Variants in TBC1D32 observed in about 807,000 individuals in gnomAD.
TBC1D32 encodes the protein protein broad-minded.
In TBC1D32, 151 loss-of-function variants were observed where a neutral mutation model predicts 170.3. That is an observed-to-expected ratio of 0.89 (90% CI 0.78 to 1.01). The LOEUF (loss-of-function observed/expected upper bound fraction) is 1.01. Ranked by LOEUF, TBC1D32 falls within the 50% of genes least tolerant of loss-of-function variation. TBC1D32 has a pLI of 0.00. For synonymous variants in TBC1D32, 498 were observed against 488.0 expected, an observed-to-expected ratio of 1.02 and a Z score of -0.27; for missense variants, 1,464 against 1,457.1, an observed-to-expected ratio of 1.00 and a Z score of -0.08.
chr6:121,260,843 G>A (rs1234025641), intron 15 of TBC1D32, among the ~76,000 whole-genome samples: 5 of 152,192 alleles, frequency 3.3e-5, no homozygotes, highest in Non-Finnish European at 5.9e-5. Flanking sequence ...GAGAGGCAGA[G>A]CCAACACTGC....
chr6:121,157,000 A>G (rs1485425226), intron 24 of TBC1D32, among the ~76,000 whole-genome samples: 1 of 152,078 alleles, frequency 6.6e-6, no homozygotes, highest in Non-Finnish European at 1.5e-5. Context: ...TAGGTGGAGT[A>G]TTCTTTGGAT....
At chr6:121,227,394 T>C (rs72961367) in intron 20 of TBC1D32, among the ~76,000 whole-genome samples, 2,439 of 152,252 alleles carry the variant, frequency 0.016, 37 homozygotes, top group Middle Eastern at 0.037. Context: ...TAATATAATG[T>C]AAATAAAAGT....
chr6:121,125,139 T>C (rs1008375468), intron 26 of TBC1D32, among the ~76,000 whole-genome samples: 1 of 152,220 alleles, frequency 6.6e-6, no homozygotes, highest in Non-Finnish European at 1.5e-5. Context: ...TTTTACTCTT[T>C]GCAGTCTAGC....
At chr6:121,334,722 T>G (rs1312746094), upstream of TBC1D32, 1 of 372,162 alleles carries the variant, frequency 2.7e-6, no homozygotes, top group Non-Finnish European at 5.0e-6. Context: ...AAAAGAGACA[T>G]CAGGAATGAT....
rs1406617660 is a variant in TBC1D32 at position 121,219,440 on chromosome 6, C to T, written c.2481+3796G>A. ...GTAAGTGGAAAGATATATTTGAATA[C>T]GCCCCACAGAGATACATGAAAACTT... On this transcript the variant is annotated intron_variant, in intron 21 of 31. Coordinates refer to ENST00000398212, the MANE Select transcript of TBC1D32 (RefSeq NM_152730.6). 3.3e-5 allele frequency among the ~76,000 whole-genome samples: 5 copies of T among 152,166 alleles called. No homozygotes were observed. In the South Asian group the frequency reaches 6.2e-4, roughly 19 times the overall value.
intron 27 of TBC1D32, 123 bp from the exon 28 acceptor site, chr6:121,113,300 T>G (rs570708377): frequency 1.8e-6 from 1 of 555,004 alleles, no homozygotes; most frequent in South Asian, 3.2e-5. Context: ...TCAATACATG[T>G]TTCTGATGAT....
intron 21 of TBC1D32, among the ~76,000 whole-genome samples, chr6:121,219,577 A>T (rs1198307263): frequency 6.6e-6 from 1 of 152,220 alleles, no homozygotes; most frequent in Admixed American, 6.5e-5. Flanking sequence ...TTTTCACTGG[A>T]TCCGTATAAT....
intron 5 of TBC1D32, among the ~76,000 whole-genome samples, chr6:121,307,675 C>T (rs576060181): frequency 6.6e-6 from 1 of 152,178 alleles, no homozygotes; most frequent in East Asian, 1.9e-4. Context: ...GCCCGGCCAA[C>T]ATGGTCAAAC....
intron 30 of TBC1D32, among the ~76,000 whole-genome samples, chr6:121,092,246 C>T (rs1031895478): frequency 2.8e-5 from 4 of 144,574 alleles, no homozygotes; most frequent in East Asian, 2.1e-4. Context: ...ACTTTACCTT[C>T]GACAAAAGAT....
At chr6:121,103,944 T>G (rs1450040351) in intron 30 of TBC1D32, among the ~76,000 whole-genome samples, 1 of 151,774 alleles carries the variant, frequency 6.6e-6, no homozygotes, top group Non-Finnish European at 1.5e-5. Context: ...ATTTTGTGAT[T>G]TAAAGTTCTA....
intron 12 of TBC1D32, 58 bp from the exon 13 acceptor site, chr6:121,283,968 A>G: frequency 1.6e-6 from 2 of 1,262,630 alleles, no homozygotes; most frequent in Non-Finnish European, 2.3e-6. Flanking sequence ...AACTTAAGAG[A>G]AATTTAACTG....
intron 22 of TBC1D32, among the ~76,000 whole-genome samples, chr6:121,192,133 A>G (rs1345030260): frequency 6.7e-6 from 1 of 149,804 alleles, no homozygotes; most frequent in Non-Finnish European, 1.5e-5. Flanking sequence ...ATATTTTGGT[A>G]CCAGGAATGG....
intron 24 of TBC1D32, among the ~76,000 whole-genome samples, chr6:121,141,414 A>G (rs1192652483): frequency 6.6e-6 from 1 of 152,192 alleles, no homozygotes; most frequent in East Asian, 1.9e-4. Context: ...CTCAAAAGAA[A>G]CTTATGTCTA....
chr6:121,102,913 T>C (rs1022184544), intron 30 of TBC1D32, among the ~76,000 whole-genome samples: 1 of 151,296 alleles, frequency 6.6e-6, no homozygotes, highest in Non-Finnish European at 1.5e-5. Context: ...AATAACCCCA[T>C]CAAAAAGAAG....
chr6:121,152,183 G>A (rs1452484356), intron 24 of TBC1D32, among the ~76,000 whole-genome samples: 1 of 152,146 alleles, frequency 6.6e-6, no homozygotes, highest in Non-Finnish European at 1.5e-5. Context: ...AGGAGCTCTT[G>A]TAAGGCAGGC....
At chr6:121,215,106 C>G (rs1333278916) in intron 21 of TBC1D32, among the ~76,000 whole-genome samples, 2 of 152,258 alleles carry the variant, frequency 1.3e-5, no homozygotes, top group Non-Finnish European at 2.9e-5. Flanking sequence ...GTCCCAACAT[C>G]TGCCCAAGTC....
rs140271134 is a variant in TBC1D32 at position 121,154,169 on chromosome 6, G to A, written c.2773+5841C>T. 2.0e-4 allele frequency among the ~76,000 whole-genome samples: 30 copies of A among 152,260 alleles called. No homozygotes were observed. In the East Asian group the frequency reaches 5.8e-3, roughly 29 times the overall value. ...AGTCTCTGGGTTGCGAAGATGGTGGGAAAAGCGTAGTACCTGGACTGGATA... is the reference window on the plus strand; with the variant it reads ...AGTCTCTGGGTTGCGAAGATGGTGGAAAAAGCGTAGTACCTGGACTGGATA... On this transcript the variant is annotated intron_variant, in intron 24 of 31. Coordinates refer to ENST00000398212, the MANE Select transcript of TBC1D32 (RefSeq NM_152730.6).
At position 121,334,382 on chromosome 6, in the gene TBC1D32, TCAGCATCGCCTG is replaced by T. The variant is rs756285985; in HGVS notation, c.37_48del (p.Gln13_Leu16del). On this transcript the variant is annotated inframe_deletion, in exon 1 of 32. Transcript: ENST00000398212. ...TCCTTCACGCTCTGGAACAACCGCC[TCAGCATCGCCTG>T]CAGCATCGCCTGGTCCTCGCTGGAG... 91 of 1,614,214 alleles carry T rather than the reference TCAGCATCGCCTG, an allele frequency of 5.6e-5. No homozygotes were observed. The highest frequency in any genetic ancestry group is 4.6e-4 in the South Asian group (42 of 91,084).
At position 121,239,073 on chromosome 6, in the gene TBC1D32, T is replaced by C. The variant is rs1210584434; in HGVS notation, c.2361A>G (p.Gln787=). 1 of 1,568,646 alleles carries C rather than the reference T, an allele frequency of 6.4e-7. No individual in the cohort carries two copies. Among genetic ancestry groups the C allele is most frequent in the Admixed American group, 1.7e-5 (1 of 59,714 alleles). ...TPVDPIDRSC[Q]KSFLALVNLL... Reference sequence around the variant, plus strand: ...TATTAGTCAAATAACTTCTTACCTTTTGACAGCTTCGGTCAATAGGATCCA... The same window carrying C: ...TATTAGTCAAATAACTTCTTACCTTCTGACAGCTTCGGTCAATAGGATCCA... The change falls in exon 20 of 32, where the codon CAA becomes CAG. Residue 787 remains glutamine (Q), a synonymous_variant. Transcript: ENST00000398212.
Sources: allele counts gnomAD v4.1 joint callset (sites outside exome capture counted in the v4.1 genomes callset), GRCh38; gene constraint gnomAD v4.1.1; transcripts MANE v1.5; gene names NCBI Gene and HGNC (gene_info 2026-07-23, HGNC 2026-07-21).